The following ARB2A variants were observed in gnomAD, a reference collection of about 807,000 sequenced individuals.
The protein encoded by ARB2A is cotranscriptional regulator ARB2A.
At chr5:93,893,692 C>G in the ARB2A span, among the ~76,000 whole-genome samples, 9 of 152,134 alleles carry the variant, frequency 5.9e-5, no homozygotes, top group African/African-American at 2.2e-4. Context: ...AGAAATATAA[C>G]ATTATGTCAT....
chr5:93,847,818 A>T, the ARB2A span, among the ~76,000 whole-genome samples: 1 of 152,206 alleles, frequency 6.6e-6, no homozygotes, highest in Admixed American at 6.5e-5. Flanking sequence ...AATTAGTGCA[A>T]TTCAGGATTA....
At chr5:94,093,681 A>T in the ARB2A span, among the ~76,000 whole-genome samples, 1 of 152,184 alleles carries the variant, frequency 6.6e-6, no homozygotes, top group African/African-American at 2.4e-5. Context: ...AAATGCATTC[A>T]TTACATCCCA....
At chr5:93,930,586 C>G in the ARB2A span, among the ~76,000 whole-genome samples, 2 of 152,046 alleles carry the variant, frequency 1.3e-5, no homozygotes, top group Admixed American at 1.3e-4. Context: ...AGAAGTCTTT[C>G]AGATAGAAGA....
chr5:93,956,123 T>C, the ARB2A span, among the ~76,000 whole-genome samples: 2 of 152,236 alleles, frequency 1.3e-5, no homozygotes, highest in South Asian at 2.1e-4. Context: ...TGGGGATTTA[T>C]CTGATATGCA....
the ARB2A span, among the ~76,000 whole-genome samples, chr5:93,857,792 C>G: frequency 6.6e-6 from 1 of 152,196 alleles, no homozygotes; most frequent in Admixed American, 6.5e-5. Flanking sequence ...GCTGCACCCA[C>G]TGTCCTGCGC....
At chr5:93,967,283 A>T in the ARB2A span, among the ~76,000 whole-genome samples, 1 of 152,160 alleles carries the variant, frequency 6.6e-6, no homozygotes, top group Non-Finnish European at 1.5e-5. Context: ...TTTCATTCTA[A>T]TAAGAAACAG....
the ARB2A span, among the ~76,000 whole-genome samples, chr5:94,051,260 C>T: frequency 6.6e-6 from 1 of 152,104 alleles, no homozygotes; most frequent in Non-Finnish European, 1.5e-5. Context: ...AAATCTGCCA[C>T]TGGGGATTCA....
chr5:94,038,282 T>C, the ARB2A span, among the ~76,000 whole-genome samples: 13 of 152,096 alleles, frequency 8.5e-5, no homozygotes, highest in African/African-American at 2.7e-4. Flanking sequence ...CCAGTCTTTC[T>C]CTGAGTTTAA....
chr5:94,097,762 G>A, the ARB2A span, among the ~76,000 whole-genome samples: 191 of 151,512 alleles, frequency 1.3e-3, no homozygotes, highest in African/African-American at 4.1e-3. Flanking sequence ...GCACACACCC[G>A]CCCACAGCCT....
At chr5:93,952,543 T>C in the ARB2A span, among the ~76,000 whole-genome samples, 1 of 152,172 alleles carries the variant, frequency 6.6e-6, no homozygotes, top group East Asian at 1.9e-4. Context: ...CCAGAAGTAT[T>C]GGAGCTCCAT....
At chr5:93,989,265 A>G in the ARB2A span, among the ~76,000 whole-genome samples, 1 of 152,170 alleles carries the variant, frequency 6.6e-6, no homozygotes, top group African/African-American at 2.4e-5. Context: ...TTTAAATACC[A>G]AATTTATGAT....
the ARB2A span, chr5:93,682,949 C>G: frequency 3.8e-6 from 6 of 1,582,246 alleles, no homozygotes; most frequent in African/African-American, 8.1e-5. Flanking sequence ...AAGAGAACCA[C>G]CTTTTTCTAT....
chr5:93,961,679 TC>T, the ARB2A span, among the ~76,000 whole-genome samples: 1 of 150,976 alleles, frequency 6.6e-6, no homozygotes, highest in Non-Finnish European at 1.5e-5. Flanking sequence ...TGAGACTCTG[TC>T]TCAAAAAAGA....
At chr5:93,945,503 G>A in the ARB2A span, among the ~76,000 whole-genome samples, 1 of 151,454 alleles carries the variant, frequency 6.6e-6, no homozygotes, top group African/African-American at 2.4e-5. Flanking sequence ...GCTCAAATCA[G>A]GCGTACTAAT....
chr5:93,782,028 T>A, the ARB2A span: 1 of 617,476 alleles, frequency 1.6e-6, no homozygotes, highest in Non-Finnish European at 2.0e-6. Flanking sequence ...TGGACTCTTA[T>A]CTTGCCAACC....
At chr5:93,734,721 G>A in the ARB2A span, 5 of 152,130 alleles carry the variant, frequency 3.3e-5, no homozygotes, top group African/African-American at 1.2e-4. Context: ...TTTGACATCT[G>A]CCTTTACTAA....
chr5:94,005,132 T>G, the ARB2A span, among the ~76,000 whole-genome samples: 2 of 149,108 alleles, frequency 1.3e-5, no homozygotes, highest in Non-Finnish European at 3.0e-5. Flanking sequence ...AGGCAGAGTA[T>G]CATCTTGTTT....
the ARB2A span, among the ~76,000 whole-genome samples, chr5:93,937,313 A>G: frequency 1.3e-5 from 2 of 151,006 alleles, no homozygotes; most frequent in African/African-American, 2.4e-5. Context: ...AAAGAGAGAG[A>G]GAGTGCAGGC....
the ARB2A span, among the ~76,000 whole-genome samples, chr5:93,698,972 A>G: frequency 6.6e-6 from 1 of 152,220 alleles, no homozygotes; most frequent in Non-Finnish European, 1.5e-5. Flanking sequence ...TAAAACTCCT[A>G]GAAATTAAAG....
Sources: allele counts gnomAD v4.1 joint callset (sites outside exome capture counted in the v4.1 genomes callset), GRCh38; gene constraint gnomAD v4.1.1; transcripts MANE v1.5; gene names NCBI Gene and HGNC (gene_info 2026-07-23, HGNC 2026-07-21).